Variants in CACNB4 observed in about 807,000 individuals in gnomAD.
The protein encoded by CACNB4 is voltage-dependent L-type calcium channel subunit beta-4.
Under a neutral mutation model 71.2 loss-of-function variants are expected in CACNB4, and 32 were observed. That is an observed-to-expected ratio of 0.45 (90% confidence interval 0.34 to 0.60). CACNB4 has a LOEUF of 0.60. Ranked by LOEUF, CACNB4 falls within the 20% of genes least tolerant of loss-of-function variation. CACNB4 has a pLI of 0.01. For synonymous variants in CACNB4, 231 were observed against 236.9 expected (o/e 0.97, Z 0.23); for missense variants, 464 against 647.9 (o/e 0.72, Z 3.08).
rs989079346 is a variant in CACNB4 at position 152,098,198 on chromosome 2, GC to G, written c.147+131del. The G allele has an allele frequency of 3.0e-6, 2 of 665,614 alleles. No homozygotes were observed. The highest frequency in any genetic ancestry group is 3.6e-5 in the African/African-American group (2 of 55,756). The allele number at this position is 665,614 out of a possible 1,614,324, so 41.2% of individuals were successfully genotyped here. On this transcript the variant is annotated intron_variant, in intron 2 of 13. Transcript: ENST00000539935. This position sits in a 1 kb window ranked among gnomAD's most constrained non-coding sequence, Gnocchi z 5.3. ...GGAGAGGGACTGAGCCCGAGCACCGGCCGAGGCCGGGAAGAGACGCGCGCGG... is the reference window on the plus strand; with the variant it reads ...GGAGAGGGACTGAGCCCGAGCACCGGCGAGGCCGGGAAGAGACGCGCGCGG...
At chr2:151,876,336 A>G (rs2099846238) in intron 5 of CACNB4, 90 bp downstream of exon 5, 2 of 1,114,072 alleles carry the variant, frequency 1.8e-6, no homozygotes, top group South Asian at 1.9e-5. Context: ...GCACACAGAA[A>G]AGTATCTTCT....
chr2:151,971,434 G>T, intron 2 of CACNB4: 1 of 698,490 alleles, frequency 1.4e-6, no homozygotes, highest in Middle Eastern at 2.8e-4. Flanking sequence ...AGCTTTTAGT[G>T]CCTATATATT....
intron 9 of CACNB4, chr2:151,866,786 G>A (rs574881464): frequency 6.6e-6 from 1 of 152,102 alleles, no homozygotes; most frequent in East Asian, 1.9e-4. Flanking sequence ...GATTTCTCCA[G>A]GGCTAAGTCT....
At chr2:151,848,871 G>A (rs2099838288) in intron 12 of CACNB4, among the ~76,000 whole-genome samples, 1 of 152,002 alleles carries the variant, frequency 6.6e-6, no homozygotes, top group African/African-American at 2.4e-5. Flanking sequence ...TTTACACTTG[G>A]CCTTCTTAAA....
chr2:151,941,885 A>G (rs1033273782), intron 2 of CACNB4, among the ~76,000 whole-genome samples: 2 of 152,212 alleles, frequency 1.3e-5, no homozygotes, highest in Non-Finnish European at 2.9e-5. Context: ...GCCATGGAAG[A>G]TAATACTATG....
chr2:151,924,625 G>A (rs190374633), intron 2 of CACNB4, among the ~76,000 whole-genome samples: 94 of 151,986 alleles, frequency 6.2e-4, no homozygotes, highest in African/African-American at 2.2e-3. Context: ...TGATGAAGGT[G>A]AATTACTTAT....
intron 2 of CACNB4, among the ~76,000 whole-genome samples, chr2:152,061,390 T>G (rs1363247853): frequency 2.0e-5 from 3 of 152,162 alleles, no homozygotes; most frequent in Non-Finnish European, 2.9e-5. Flanking sequence ...ATTGTCCAAA[T>G]TTAGCAAATG....
intron 5 of CACNB4, among the ~76,000 whole-genome samples, chr2:151,875,523 G>A (rs2099845800): frequency 6.6e-6 from 1 of 151,632 alleles, no homozygotes; most frequent in Non-Finnish European, 1.5e-5. Flanking sequence ...CCTCCCAGAC[G>A]GGGTGGTGGC....
chr2:151,960,154 C>G (rs972190229), intron 2 of CACNB4, among the ~76,000 whole-genome samples: 1 of 152,132 alleles, frequency 6.6e-6, no homozygotes, highest in African/African-American at 2.4e-5. Context: ...TTTCAGAAAG[C>G]CCCTTAAGTA....
chr2:151,874,679 A>G (rs2099845506), intron 5 of CACNB4, among the ~76,000 whole-genome samples: 1 of 152,188 alleles, frequency 6.6e-6, no homozygotes. Context: ...TGAAATAGAA[A>G]AGCATTCAAC....
chr2:151,863,834 T>C (rs182459098), intron 9 of CACNB4, among the ~76,000 whole-genome samples: 37 of 151,832 alleles, frequency 2.4e-4, no homozygotes, highest in African/African-American at 8.7e-4. Context: ...AGTTTGCTAA[T>C]ACAAGTTATT....
At chr2:151,884,160 C>A (rs1044264354) in intron 2 of CACNB4, 1 of 150,054 alleles carries the variant, frequency 6.7e-6, no homozygotes, top group Non-Finnish European at 1.5e-5. Context: ...ATTAGCCGGG[C>A]ATGGTGGGGG....
chr2:151,945,875 TA>T (rs34099714), intron 2 of CACNB4, among the ~76,000 whole-genome samples: 110,026 of 135,162 alleles, frequency 0.81, 45,749 homozygotes, highest in Middle Eastern at 0.92. Context: ...ACCCTGTCTT[TA>T]AAAAAAAAAA....
intron 4 of CACNB4, 25 bp from the exon 5 acceptor site, chr2:151,876,581 A>G (rs2099846307): frequency 1.3e-6 from 2 of 1,537,228 alleles, no homozygotes; most frequent in Non-Finnish European, 1.8e-6. Flanking sequence ...TAAAATTGCT[A>G]TCAATAGTAA....
intron 2 of CACNB4, among the ~76,000 whole-genome samples, chr2:151,921,941 C>G (rs539304405): frequency 2.6e-5 from 4 of 152,196 alleles, no homozygotes; most frequent in Non-Finnish European, 5.9e-5. Flanking sequence ...TCCTGTACAG[C>G]CTTCAGAACT....
At chr2:151,979,345 G>A (rs1468910710) in intron 2 of CACNB4, among the ~76,000 whole-genome samples, 1 of 151,856 alleles carries the variant, frequency 6.6e-6, no homozygotes, top group South Asian at 2.1e-4. Context: ...TCATAAGAGA[G>A]TGAGTGTAGG....
intron 2 of CACNB4, among the ~76,000 whole-genome samples, chr2:151,940,805 G>T (rs556701147): frequency 3.3e-5 from 5 of 152,304 alleles, no homozygotes; most frequent in African/African-American, 1.2e-4. Context: ...GAATAGAGAT[G>T]CATGAATATA....
At chr2:152,037,714 G>C (rs1212387517) in intron 2 of CACNB4, among the ~76,000 whole-genome samples, 1 of 152,222 alleles carries the variant, frequency 6.6e-6, no homozygotes, top group Non-Finnish European at 1.5e-5. Flanking sequence ...CTAAGGATGG[G>C]AGGGAGAGAA....
At chr2:151,973,066 T>A (rs1385570918) in intron 2 of CACNB4, 1 of 152,270 alleles carries the variant, frequency 6.6e-6, no homozygotes, top group African/African-American at 2.4e-5. Flanking sequence ...TCCAGTTCTC[T>A]AACCCAAAAC....
Sources: allele counts gnomAD v4.1 joint callset (sites outside exome capture counted in the v4.1 genomes callset), GRCh38; gene constraint gnomAD v4.1.1; non-coding constraint Gnocchi (gnomAD v3.1); transcripts MANE v1.5; gene names NCBI Gene and HGNC (gene_info 2026-07-23, HGNC 2026-07-21).